The following IL6R variants were observed in gnomAD, a reference collection of about 807,000 sequenced individuals.
IL6R encodes interleukin-6 receptor subunit alpha.
IL6R carries 38 observed loss-of-function variants against 48.3 expected under a neutral mutation model. The ratio of observed to expected loss-of-function variants is 0.79; its 90% CI spans 0.61 to 1.03. The LOEUF (loss-of-function observed/expected upper bound fraction) is 1.03, where lower values mean the gene tolerates loss of function less well. Ranked by LOEUF, IL6R falls within the 50% of genes least tolerant of loss-of-function variation. IL6R has a pLI of 0.00. For synonymous variants in IL6R, 264 were observed against 256.2 expected (o/e 1.03, Z -0.29); for missense variants, 534 against 618.3 (o/e 0.86, Z 1.45).
At chr1:154,433,151 G>A (rs947263028) in intron 3 of IL6R, among the ~76,000 whole-genome samples, 1 of 152,322 alleles carries the variant, frequency 6.6e-6, no homozygotes, top group Admixed American at 6.5e-5. Flanking sequence ...GGGTGGTGTT[G>A]GGGGAAGGAG....
intron 9 of IL6R, among the ~76,000 whole-genome samples, chr1:154,455,459 T>C (rs1398602988): frequency 6.8e-6 from 1 of 146,530 alleles, no homozygotes; most frequent in Non-Finnish European, 1.5e-5. Context: ...TCTTTTCTTT[T>C]TTTTTTTTTT....
intron 5 of IL6R, among the ~76,000 whole-genome samples, chr1:154,435,508 C>CAA (rs71586014): frequency 0.26 from 35,578 of 135,062 alleles, 5,796 homozygotes; most frequent in African/African-American, 0.5. Flanking sequence ...GACTCCATGT[C>CAA]AAAAAAAAAA....
Position 154,435,247 on chromosome 1 carries a change from C to T in IL6R, c.807+91C>T, listed in dbSNP as rs918178067. ...ACTAGAGGCCAGGCATGGTGGCTCA[C>T]GCCTGTAATCCCGGCCCTTTGGGAG... On this transcript the variant is annotated intron_variant, in intron 5 of 9. Coordinates refer to ENST00000368485, the MANE Select transcript of IL6R (RefSeq NM_000565.4). The T allele has an allele frequency of 8.0e-5, 100 of 1,246,536 alleles. 1 individual carries two copies. In the Middle Eastern group the frequency reaches 1.6e-3, roughly 19 times the overall value. 77.2% of individuals were successfully genotyped at this position (1,246,536 alleles called of 1,614,324 possible).
intron 1 of IL6R, among the ~76,000 whole-genome samples, chr1:154,420,212 A>G (rs1056957728): frequency 6.6e-6 from 1 of 152,064 alleles, no homozygotes; most frequent in Non-Finnish European, 1.5e-5. Context: ...TAATAAATCC[A>G]TAGATTCATT....
intron 6 of IL6R, among the ~76,000 whole-genome samples, chr1:154,443,260 A>G (rs569281964): frequency 3.0e-4 from 45 of 152,360 alleles, no homozygotes; most frequent in African/African-American, 1.1e-3. Flanking sequence ...CTGGGCGGTC[A>G]GTGCCTCCAG....
rs1423511837 is a variant in IL6R at position 154,469,253 on chromosome 1, T to C, written c.*3873T>C. 4 of 152,236 alleles carry C rather than the reference T, an allele frequency of 2.6e-5. No individual in the cohort carries two copies. Among genetic ancestry groups the C allele is most frequent in the Non-Finnish European group, 5.9e-5 (4 of 68,044 alleles). 9.4% of individuals were successfully genotyped at this position (152,236 alleles called of 1,614,324 possible). On this transcript the variant is annotated 3_prime_UTR_variant, in exon 10 of 10. Coordinates refer to ENST00000368485, the MANE Select transcript of IL6R (RefSeq NM_000565.4). ...TCTGTTAAATAGAATACCTCAACTC[T>C]ACGTTGTTTTCTTGGAGATAAATAA... is the stretch of plus-strand genomic sequence containing the variant.
intron 1 of IL6R, among the ~76,000 whole-genome samples, chr1:154,427,151 T>C (rs1326220312): frequency 6.6e-6 from 1 of 152,116 alleles, no homozygotes; most frequent in Non-Finnish European, 1.5e-5. Context: ...ATCTCTTGAC[T>C]TGTGATCCGT....
chr1:154,452,700 G>A (rs1690653000), intron 8 of IL6R, among the ~76,000 whole-genome samples: 1 of 151,712 alleles, frequency 6.6e-6, no homozygotes, highest in Admixed American at 6.6e-5. Context: ...GTGTGGTGGC[G>A]GGTGCCTGTA....
chr1:154,433,665 G>C (rs1004216746), intron 3 of IL6R, among the ~76,000 whole-genome samples: 1 of 152,064 alleles, frequency 6.6e-6, no homozygotes, highest in African/African-American at 2.4e-5. Context: ...CAGGCGCTAG[G>C]CTACATGTTT....
chr1:154,429,119 C>T (rs1045381438), intron 1 of IL6R, 77 bp from the exon 2 acceptor site: 17 of 1,494,066 alleles, frequency 1.1e-5, no homozygotes, highest in East Asian at 6.9e-5. Flanking sequence ...TGAGGCCTCT[C>T]GTGGCTTCCT....
At chr1:154,452,021 C>T (rs11804305) in intron 8 of IL6R, among the ~76,000 whole-genome samples, 18,393 of 152,108 alleles carry the variant, frequency 0.12, 1,383 homozygotes, top group South Asian at 0.18. Flanking sequence ...AAGCGTTGTC[C>T]TTGTGCTTTG....
intron 6 of IL6R, among the ~76,000 whole-genome samples, chr1:154,443,757 A>C (rs1690056470): frequency 6.6e-6 from 1 of 152,204 alleles, no homozygotes; most frequent in African/African-American, 2.4e-5. Context: ...AAATGCCAGC[A>C]TGACTGCCTT....
At chr1:154,429,066 C>T in intron 1 of IL6R, 130 bp from the exon 2 acceptor site, 1 of 1,032,538 alleles carries the variant, frequency 9.7e-7, no homozygotes, top group East Asian at 2.4e-5. Flanking sequence ...TGCCCTAATC[C>T]AGGCAGAGGT....
At chr1:154,451,505 G>A (rs1690578513) in intron 8 of IL6R, among the ~76,000 whole-genome samples, 1 of 152,076 alleles carries the variant, frequency 6.6e-6, no homozygotes, top group Non-Finnish European at 1.5e-5. Flanking sequence ...GCCACAGAGT[G>A]AGATTCCATG....
intron 1 of IL6R, among the ~76,000 whole-genome samples, chr1:154,418,884 C>T (rs75716317): frequency 0.017 from 2,565 of 147,378 alleles, 75 homozygotes; most frequent in African/African-American, 0.065. Flanking sequence ...ATGGCGCTGA[C>T]CCCCCCTTGT....
intron 1 of IL6R, among the ~76,000 whole-genome samples, chr1:154,426,579 A>C (rs1570945947): frequency 6.6e-6 from 1 of 152,042 alleles, no homozygotes; most frequent in African/African-American, 2.4e-5. Context: ...ACTATATTCA[A>C]ACCATTTATA....
intron 7 of IL6R, 89 bp downstream of exon 7, chr1:154,448,260 C>A: frequency 1.0e-6 from 1 of 989,520 alleles, no homozygotes; most frequent in Non-Finnish European, 1.6e-6. Context: ...TGGTTTAAAT[C>A]CAGTTCTGTC....
chr1:154,432,562 TAGC>T (rs1689355611), intron 3 of IL6R, among the ~76,000 whole-genome samples: 1 of 152,118 alleles, frequency 6.6e-6, no homozygotes, highest in Non-Finnish European at 1.5e-5. Flanking sequence ...TTCACCATGT[TAGC>T]GGGGCTGGTC....
rs118077513 is a variant in IL6R, at chr1:154,415,112, C to G, written c.85+9398C>G. ...TAAGATTGGGGCTTTTACGGTTCCA[C>G]TCGCCCTTGAGTTGCTTGTACTTGC... On this transcript the variant is annotated intron_variant, in intron 1 of 9. Coordinates refer to ENST00000368485, the MANE Select transcript of IL6R (RefSeq NM_000565.4). 2.1e-5 allele frequency: 24 copies of G among 1,143,270 alleles called. No individual in the cohort carries two copies. The East Asian group carries it at 6.1e-4, about 29-fold the overall frequency. The allele number at this position is 1,143,270 out of a possible 1,614,324, so 70.8% of individuals were successfully genotyped here. A position where few individuals can be genotyped will look rare whatever the true frequency, so the allele number is the denominator to read the frequency against.
Sources: allele counts gnomAD v4.1 joint callset (sites outside exome capture counted in the v4.1 genomes callset), GRCh38; gene constraint gnomAD v4.1.1; transcripts MANE v1.5; gene names NCBI Gene and HGNC (gene_info 2026-07-23, HGNC 2026-07-21).